Variants in SLIT1 observed in about 807,000 individuals in gnomAD.
The protein encoded by SLIT1 is slit guidance ligand 1, also known as slit homolog 1 protein.
SLIT1 carries 66 observed loss-of-function variants against 186.1 expected under a neutral mutation model. That is an observed-to-expected ratio of 0.35 (90% CI 0.29 to 0.44). The LOEUF is 0.44. SLIT1 is among the 20% of genes least tolerant of loss of function. The pLI, the probability that SLIT1 is intolerant of heterozygous loss-of-function variation, is 1.00. For synonymous variants in SLIT1, 761 were observed against 833.8 expected (o/e 0.91, Z 1.50); for missense variants, 1,638 against 2,037.4 (o/e 0.80, Z 3.77).
At chr10:97,032,353 G>A (rs1451379334) in intron 23 of SLIT1, among the ~76,000 whole-genome samples, 1 of 152,136 alleles carries the variant, frequency 6.6e-6, no homozygotes, top group African/African-American at 2.4e-5. Context: ...CGGATCACCT[G>A]AGGTCAGGAG....
At chr10:97,160,733 G>A (rs988663074) in intron 3 of SLIT1, among the ~76,000 whole-genome samples, 26 of 152,116 alleles carry the variant, frequency 1.7e-4, no homozygotes, top group African/African-American at 6.0e-4. Context: ...TTGTTTTGCT[G>A]TTTTTGAGAC....
At position 97,166,850 on chromosome 10, in the gene SLIT1, G is replaced by A. The variant is rs565421366; in HGVS notation, c.198-1960C>T. On this transcript the variant is annotated intron_variant, in intron 1 of 36. Transcript: ENST00000266058. ...TGTGCTCATCTTATAGATGAGAGTG[G>A]CTCTAAGAGGCTAGGTGCCTTCCCA... Among the ~76,000 whole-genome samples the A allele has an allele frequency of 2.6e-5, 4 of 152,240 alleles. No homozygotes were observed. In the East Asian group the frequency reaches 7.7e-4, roughly 29 times the overall value.
chr10:97,131,581 C>T (rs1328692525), intron 4 of SLIT1, among the ~76,000 whole-genome samples: 1 of 152,220 alleles, frequency 6.6e-6, no homozygotes. Flanking sequence ...ATGTGAGTTC[C>T]ACCCTCTGGA....
chr10:97,011,174 G>A, intron 30 of SLIT1, 44 bp from the exon 31 acceptor site: 2 of 1,474,112 alleles, frequency 1.4e-6, no homozygotes, highest in African/African-American at 1.4e-5. Flanking sequence ...CAGCCACACA[G>A]AGTCTGGGAG....
intron 17 of SLIT1, 45 bp from the exon 18 acceptor site, chr10:97,046,842 G>T: frequency 6.2e-7 from 1 of 1,602,936 alleles, no homozygotes. Context: ...CCAGCAGCCA[G>T]GAGCTCAGGC....
chr10:97,173,058 G>A (rs1324934151), intron 1 of SLIT1, among the ~76,000 whole-genome samples: 1 of 152,112 alleles, frequency 6.6e-6, no homozygotes, highest in Non-Finnish European at 1.5e-5. Flanking sequence ...TGTTACCAAC[G>A]ACCTCCTCTC....
chr10:97,128,381 G>A (rs12264222), intron 4 of SLIT1, among the ~76,000 whole-genome samples: 15,576 of 152,206 alleles, frequency 0.1, 1,165 homozygotes, highest in African/African-American at 0.22. Context: ...TGCCCCCACC[G>A]TGGCTAGAAG....
chr10:97,163,347 C>T (rs776473884), intron 3 of SLIT1, 33 bp downstream of exon 3: 21 of 1,592,382 alleles, frequency 1.3e-5, no homozygotes, highest in South Asian at 6.6e-5. Context: ...GCCAGCCCCC[C>T]GCCCTCCTGG....
At chr10:97,079,347 G>A (rs928083248) in intron 4 of SLIT1, among the ~76,000 whole-genome samples, 1 of 152,194 alleles carries the variant, frequency 6.6e-6, no homozygotes, top group African/African-American at 2.4e-5. Flanking sequence ...TTTTGATCTG[G>A]TGCTGGTTAC....
rs1053941094 is a variant in SLIT1, at chr10:97,043,714, C to T, written c.1854-201G>A. Among the ~76,000 whole-genome samples the T allele has an allele frequency of 3.9e-5, 6 of 152,218 alleles. No homozygotes were observed. Among genetic ancestry groups the T allele is most frequent in the Admixed American group, 6.5e-5 (1 of 15,290 alleles). ...CCTGTGCCCACTCCAGACCCGCCCC[C>T]GCCTCTGAGAAGCCTCGAGGCTCTG... On this transcript the variant is annotated intron_variant, in intron 18 of 36. Transcript: ENST00000266058. This position sits in a 1 kb window ranked among gnomAD's most constrained non-coding sequence, Gnocchi z 7.0.
chr10:97,148,477 C>CGGGGTCTTG (rs59128793), intron 4 of SLIT1, among the ~76,000 whole-genome samples: 126,211 of 151,426 alleles, frequency 0.83, 52,669 homozygotes, highest in Admixed American at 0.87. Context: ...TTTTGTAGAG[C>CGGGGTCTTG]CTATGCTGCC....
intron 4 of SLIT1, among the ~76,000 whole-genome samples, chr10:97,139,803 G>T (rs1356606546): frequency 1.3e-5 from 2 of 152,196 alleles, no homozygotes; most frequent in African/African-American, 4.8e-5. Flanking sequence ...GCATGTCAGT[G>T]TGCACACAGG....
chr10:97,161,110 C>T (rs916498589), intron 3 of SLIT1, among the ~76,000 whole-genome samples: 4 of 152,152 alleles, frequency 2.6e-5, no homozygotes, highest in Admixed American at 1.3e-4. Flanking sequence ...ACTCAGGCGG[C>T]GACCATTGAA....
chr10:97,174,860 AAAT>A (rs960772919), intron 1 of SLIT1, among the ~76,000 whole-genome samples: 3 of 152,198 alleles, frequency 2.0e-5, no homozygotes, highest in Admixed American at 2.0e-4. Context: ...CTTTTTAAAA[AAAT>A]AATAATAATA....
chr10:97,129,203 A>C (rs922901794), intron 4 of SLIT1, among the ~76,000 whole-genome samples: 3 of 152,096 alleles, frequency 2.0e-5, no homozygotes, highest in Non-Finnish European at 4.4e-5. Context: ...GGAGTTCGAG[A>C]CCAGCCTGAG....
Position 97,060,175 on chromosome 10 carries a change from G to A in SLIT1, c.942-17C>T, listed in dbSNP as rs115867116. 89 of 1,611,808 alleles carry A rather than the reference G, an allele frequency of 5.5e-5. No homozygotes were observed. The African/African-American group carries it at 1.1e-3, about 21-fold the overall frequency. ...TCCAGGCGTCTGCGGGGAGAAAAGA[G>A]AGGGGAAGCCCAAGGGCCCAGGTCA... On this transcript the variant is annotated splice_polypyrimidine_tract_variant and intron_variant, in intron 9 of 36. Coordinates refer to ENST00000266058, the MANE Select transcript of SLIT1 (RefSeq NM_003061.3).
intron 23 of SLIT1, among the ~76,000 whole-genome samples, chr10:97,032,966 A>T (rs1848605105): frequency 6.6e-6 from 1 of 152,202 alleles, no homozygotes; most frequent in Non-Finnish European, 1.5e-5. Context: ...AGTGACAGAA[A>T]GCAGACCAGT....
At chr10:97,034,391 C>CA in intron 23 of SLIT1, 80 bp downstream of exon 23, 1 of 1,047,190 alleles carries the variant, frequency 9.5e-7, no homozygotes, top group South Asian at 1.3e-5. Context: ...GATCTGGGAG[C>CA]AAAAAGCACA....
intron 32 of SLIT1, among the ~76,000 whole-genome samples, chr10:97,005,328 G>C (rs1237628878): frequency 6.6e-6 from 1 of 152,238 alleles, no homozygotes; most frequent in Non-Finnish European, 1.5e-5. Context: ...GCAAGCAAAA[G>C]TGAGATCTTT....
Sources: gnomAD v4.1 joint callset for allele counts (sites outside exome capture counted in the v4.1 genomes callset) on GRCh38, gnomAD v4.1.1 for gene constraint, Gnocchi (gnomAD v3.1) non-coding constraint, MANE v1.5 for transcripts, NCBI Gene and HGNC (gene_info 2026-07-23, HGNC 2026-07-21) for gene names.